The following DLGAP2 variants were observed in gnomAD, a reference collection of about 807,000 sequenced individuals.
DLGAP2 encodes the protein DLG associated protein 2.
A neutral mutation model predicts 100.3 loss-of-function variants in DLGAP2; 26 were observed. That is an observed-to-expected ratio of 0.26 (90% CI 0.19 to 0.36). DLGAP2 has a LOEUF of 0.36. DLGAP2 is among the 10% of genes least tolerant of loss of function. The probability of loss-of-function intolerance (pLI) is 1.00; values close to 1 mark genes in which losing one functional copy is unlikely to be tolerated. For synonymous variants in DLGAP2, 886 were observed against 630.1 expected (o/e 1.41, Z -6.08); for missense variants, 1,858 against 1,453.2 (o/e 1.28, Z -4.53).
At chr8:946,388 C>T (rs969153848) in intron 2 of DLGAP2, among the ~76,000 whole-genome samples, 6 of 152,082 alleles carry the variant, frequency 3.9e-5, no homozygotes, top group African/African-American at 1.4e-4. Flanking sequence ...CTCAGACTCC[C>T]GAGTGTCTGG....
chr8:1,544,327 T>C (rs1801460729), intron 4 of DLGAP2, among the ~76,000 whole-genome samples: 1 of 152,208 alleles, frequency 6.6e-6, no homozygotes. Flanking sequence ...ATACAATTGA[T>C]TTTTTATTTT....
At chr8:973,153 C>T (rs1339970915) in intron 2 of DLGAP2, among the ~76,000 whole-genome samples, 8 of 152,198 alleles carry the variant, frequency 5.3e-5, no homozygotes, top group Admixed American at 1.3e-4. Flanking sequence ...GATGGGGTGG[C>T]GGCAGGGCAG....
chr8:1,201,537 C>T (rs1311851374), intron 2 of DLGAP2, among the ~76,000 whole-genome samples: 1 of 152,340 alleles, frequency 6.6e-6, no homozygotes, highest in Non-Finnish European at 1.5e-5. Context: ...TTTTGGACAT[C>T]GCATCTCCGG....
At position 1,157,333 on chromosome 8, in the gene DLGAP2, A is replaced by C. The variant is rs1796811041; in HGVS notation, c.74-101518A>C. Among the ~76,000 whole-genome samples, 6 of 152,276 alleles carry C rather than the reference A, an allele frequency of 3.9e-5. No individual in the cohort carries two copies. In the South Asian group the frequency reaches 1.2e-3, roughly 32 times the overall value. ...GCTCAGCCATTTCACCGATGGATGC[A>C]CTTCCAGCGACGACGGCCCTCAGGG... is the stretch of plus-strand genomic sequence containing the variant. On this transcript the variant is annotated intron_variant, in intron 2 of 14. Coordinates refer to ENST00000637795, the MANE Select transcript of DLGAP2 (RefSeq NM_001346810.2).
intron 8 of DLGAP2, among the ~76,000 whole-genome samples, chr8:1,663,389 C>T (rs969335336): frequency 6.6e-5 from 10 of 152,162 alleles, no homozygotes; most frequent in Non-Finnish European, 1.3e-4. Flanking sequence ...GTGGTGACAG[C>T]GCCCTTACTG....
chr8:1,405,421 C>T (rs1344255853), intron 3 of DLGAP2, among the ~76,000 whole-genome samples: 3 of 14,666 alleles, frequency 2.0e-4, no homozygotes, highest in Admixed American at 1.1e-3. Context: ...GCTTACTGAG[C>T]GCCACCTCCT....
chr8:1,320,993 G>A (rs796228703), intron 3 of DLGAP2, among the ~76,000 whole-genome samples: 11 of 151,746 alleles, frequency 7.2e-5, no homozygotes, highest in African/African-American at 1.2e-4. Flanking sequence ...GCGTGCATCC[G>A]TGTGCCTCTG....
At position 1,206,959 on chromosome 8, in the gene DLGAP2, G is replaced by A. The variant is rs1197826733; in HGVS notation, c.74-51892G>A. On this transcript the variant is annotated intron_variant, in intron 2 of 14. Transcript: ENST00000637795. Reference sequence around the variant, plus strand: ...TCCATCTCAGTGCTGAGTGGACACCGTCTCGGTGAAACTTCCTGCCCACCC... The same window carrying A: ...TCCATCTCAGTGCTGAGTGGACACCATCTCGGTGAAACTTCCTGCCCACCC... 7.2e-5 allele frequency among the ~76,000 whole-genome samples: 11 copies of A among 152,034 alleles called. 1 individual carries two copies. Among genetic ancestry groups the A allele is most frequent in the Admixed American group, 1.3e-4 (2 of 15,274 alleles).
intron 2 of DLGAP2, among the ~76,000 whole-genome samples, chr8:1,171,065 G>A (rs1346388172): frequency 1.3e-5 from 2 of 151,982 alleles, no homozygotes; most frequent in Non-Finnish European, 2.9e-5. Flanking sequence ...ATGTGTCCGA[G>A]ATTCTGGTAT....
At chr8:1,345,804 A>C (rs1355124841) in intron 3 of DLGAP2, among the ~76,000 whole-genome samples, 1 of 152,190 alleles carries the variant, frequency 6.6e-6, no homozygotes, top group Non-Finnish European at 1.5e-5. Context: ...TGCTTGTAAC[A>C]CCTACCTCAG....
At chr8:1,059,040 G>C (rs1320395609) in intron 2 of DLGAP2, among the ~76,000 whole-genome samples, 1 of 152,178 alleles carries the variant, frequency 6.6e-6, no homozygotes, top group Non-Finnish European at 1.5e-5. Context: ...GACATAAACG[G>C]AAGTCTCCAG....
intron 2 of DLGAP2, among the ~76,000 whole-genome samples, chr8:1,210,612 C>T (rs1798083757): frequency 6.6e-6 from 1 of 152,166 alleles, no homozygotes; most frequent in South Asian, 2.1e-4. Flanking sequence ...CATGGAGGGG[C>T]TCCCTCTGGG....
chr8:1,114,134 A>C (rs4279625), intron 2 of DLGAP2, among the ~76,000 whole-genome samples: 1 of 151,984 alleles, frequency 6.6e-6, no homozygotes, highest in African/African-American at 2.4e-5. Context: ...ATCGATGTTC[A>C]TCAAGGATAT....
At chr8:1,173,207 A>G (rs11778391) in intron 2 of DLGAP2, among the ~76,000 whole-genome samples, 3 of 152,096 alleles carry the variant, frequency 2.0e-5, no homozygotes, top group Non-Finnish European at 4.4e-5. Context: ...TTTTTCGTGA[A>G]CCGCGAATGC....
chr8:836,668 G>T (rs1463559497), intron 1 of DLGAP2, among the ~76,000 whole-genome samples: 1 of 152,210 alleles, frequency 6.6e-6, no homozygotes, highest in Non-Finnish European at 1.5e-5. Flanking sequence ...CGGCCTACAG[G>T]CGCTGCCCTT....
chr8:1,222,489 C>T (rs78449251), intron 2 of DLGAP2, among the ~76,000 whole-genome samples: 6 of 152,186 alleles, frequency 3.9e-5, no homozygotes, highest in East Asian at 1.9e-4. Context: ...CCACTGGTAA[C>T]GACACTCCAG....
chr8:1,629,314 A>G (rs1563267195), intron 7 of DLGAP2, among the ~76,000 whole-genome samples: 1 of 152,188 alleles, frequency 6.6e-6, no homozygotes. Flanking sequence ...TCTCATCTGC[A>G]TCAGGAATTG....
At chr8:1,680,705 G>A (rs564711874) in intron 12 of DLGAP2, 1 of 152,370 alleles carries the variant, frequency 6.6e-6, no homozygotes, top group Non-Finnish European at 1.5e-5. Context: ...ACATTTAACA[G>A]AGTAACTTCA....
chr8:1,689,079 T>C (rs1799185375), intron 12 of DLGAP2, among the ~76,000 whole-genome samples: 1 of 152,190 alleles, frequency 6.6e-6, no homozygotes, highest in African/African-American at 2.4e-5. Flanking sequence ...TAGGACTGAC[T>C]GTTAAGGAAT....
Sources: gnomAD v4.1 joint callset for allele counts (sites outside exome capture counted in the v4.1 genomes callset) on GRCh38, gnomAD v4.1.1 for gene constraint, MANE v1.5 for transcripts, NCBI Gene and HGNC (gene_info 2026-07-23, HGNC 2026-07-21) for gene names.